TMTC2: variants seen among roughly 807,000 people sequenced by gnomAD.
The protein encoded by TMTC2 is transmembrane O-mannosyltransferase targeting cadherins 2, also known as protein O-mannosyl-transferase TMTC2.
A neutral mutation model predicts 82.4 loss-of-function variants in TMTC2; 43 were observed. The observed-to-expected ratio is 0.52, with a 90% CI of 0.41 to 0.67. The LOEUF (loss-of-function observed/expected upper bound fraction) is 0.67, where lower values mean the gene tolerates loss of function less well. TMTC2 is among the 30% of genes least tolerant of loss of function. The probability of loss-of-function intolerance (pLI) is 0.00; values close to 1 mark genes in which losing one functional copy is unlikely to be tolerated. For synonymous variants in TMTC2, 408 were observed against 381.9 expected, an observed-to-expected ratio of 1.07 and a Z score of -0.80; for missense variants, 919 against 1,012.4, an observed-to-expected ratio of 0.91 and a Z score of 1.25.
Position 83,100,706 on chromosome 12 carries a change from T to C in TMTC2, c.2332-31504T>C, listed in dbSNP as rs372913412. ...ATAAAACAGCTTGGGAGAAGTCTTG[T>C]TGTAATGCTTTCTAAAGAATGTATG... On this transcript the variant is annotated intron_variant, in intron 11 of 11. Coordinates refer to ENST00000321196, the MANE Select transcript of TMTC2 (RefSeq NM_152588.3). 6.6e-5 allele frequency among the ~76,000 whole-genome samples: 10 copies of C among 152,306 alleles called. No homozygotes were observed. The East Asian group carries it at 1.7e-3, about 26-fold the overall frequency.
At position 82,959,733 on chromosome 12, in the gene TMTC2, C is replaced by A. The variant is rs78681450; in HGVS notation, c.1599-5291C>A. On this transcript the variant is annotated intron_variant, in intron 4 of 11. Transcript: ENST00000321196. ...AAGTGTTAAGAATCCTAGAAGGAAA[C>A]CTAAGAGACACCATTCTGACCATAA... Among the ~76,000 whole-genome samples, 565 of 152,098 alleles carry A rather than the reference C, an allele frequency of 3.7e-3. 7 individuals are homozygous for A. Among genetic ancestry groups the A allele is most frequent in the African/African-American group, 0.013 (550 of 41,518 alleles).
At chr12:82,867,172 A>G (rs1297542172) in intron 2 of TMTC2, among the ~76,000 whole-genome samples, 1 of 152,202 alleles carries the variant, frequency 6.6e-6, no homozygotes, top group Non-Finnish European at 1.5e-5. Context: ...TGGTCTGATT[A>G]TAACTCTTGC....
At chr12:82,693,869 G>A (rs1288922065) in intron 1 of TMTC2, among the ~76,000 whole-genome samples, 1 of 148,012 alleles carries the variant, frequency 6.8e-6, no homozygotes, top group Non-Finnish European at 1.5e-5. Flanking sequence ...TCAGGAGGCT[G>A]AAGCAGGAAA....
At chr12:82,874,652 C>T (rs1170939671) in intron 2 of TMTC2, among the ~76,000 whole-genome samples, 2 of 152,036 alleles carry the variant, frequency 1.3e-5, no homozygotes, top group Non-Finnish European at 2.9e-5. Context: ...TCCCTTTTAT[C>T]ATGAAGTTAT....
At chr12:82,731,207 A>C (rs773453101) in intron 1 of TMTC2, among the ~76,000 whole-genome samples, 1 of 152,222 alleles carries the variant, frequency 6.6e-6, no homozygotes, top group South Asian at 2.1e-4. Context: ...AGTTGTCACA[A>C]CTTAAATTTG....
chr12:82,837,883 T>C (rs1424177657), intron 1 of TMTC2, among the ~76,000 whole-genome samples: 1 of 152,160 alleles, frequency 6.6e-6, no homozygotes, highest in Non-Finnish European at 1.5e-5. Context: ...AGGGATCTCA[T>C]GTTTGGAGAT....
At position 83,132,678 on chromosome 12, in the gene TMTC2, G is replaced by C. The variant is rs1238200485; in HGVS notation, c.*289G>C. 3.1e-6 allele frequency: 1 copy of C among 327,460 alleles called. No individual in the cohort carries two copies. The highest frequency in any genetic ancestry group is 2.2e-5 in the African/African-American group (1 of 45,812). 20.3% of individuals were successfully genotyped at this position (327,460 alleles called of 1,614,324 possible). A position where few individuals can be genotyped will look rare whatever the true frequency, so the allele number is the denominator to read the frequency against. On this transcript the variant is annotated 3_prime_UTR_variant, in exon 12 of 12. Transcript: ENST00000321196. Reference sequence around the variant, plus strand: ...GGCATTCTTAAAAAGGGAGGGGTGGGTGTGTAAGTCACAGATTTTGTTCAT... The same window carrying C: ...GGCATTCTTAAAAAGGGAGGGGTGGCTGTGTAAGTCACAGATTTTGTTCAT...
intron 4 of TMTC2, among the ~76,000 whole-genome samples, chr12:82,961,404 A>G (rs1565829199): frequency 6.6e-6 from 1 of 151,988 alleles, no homozygotes; most frequent in Non-Finnish European, 1.5e-5. Context: ...TCAGTGTATC[A>G]ACACAAATTA....
intron 1 of TMTC2, among the ~76,000 whole-genome samples, chr12:82,818,526 G>A (rs572710155): frequency 9.9e-5 from 15 of 152,102 alleles, no homozygotes; most frequent in Non-Finnish European, 1.8e-4. Context: ...CAGGTCATTG[G>A]TAACAGTGAA....
chr12:83,008,401 A>G (rs1880301135), intron 8 of TMTC2, among the ~76,000 whole-genome samples: 1 of 152,026 alleles, frequency 6.6e-6, no homozygotes, highest in African/African-American at 2.4e-5. Flanking sequence ...GTCCATTTAG[A>G]AGTTTCTGTT....
chr12:82,959,376 A>G (rs1026626054), intron 4 of TMTC2, among the ~76,000 whole-genome samples: 1 of 152,288 alleles, frequency 6.6e-6, no homozygotes, highest in South Asian at 2.1e-4. Context: ...AGTAATTCTA[A>G]GCAAAAAGAA....
intron 11 of TMTC2, among the ~76,000 whole-genome samples, chr12:83,124,131 T>C (rs966392699): frequency 1.1e-4 from 17 of 152,358 alleles, no homozygotes; most frequent in Non-Finnish European, 2.5e-4. Context: ...CCTAATAGGT[T>C]ATAGTAAATG....
intron 1 of TMTC2, among the ~76,000 whole-genome samples, chr12:82,761,877 T>TCAGA (rs1876657042): frequency 2.1e-5 from 1 of 48,420 alleles, no homozygotes; most frequent in Non-Finnish European, 4.8e-5. Flanking sequence ...TTTCTCTCTT[T>TCAGA]CTTTCTTTCT....
intron 8 of TMTC2, among the ~76,000 whole-genome samples, chr12:83,021,625 T>C (rs1002038751): frequency 6.6e-6 from 1 of 151,958 alleles, no homozygotes; most frequent in Non-Finnish European, 1.5e-5. Context: ...TGTAGAGTCA[T>C]CTTTGACTCT....
intron 4 of TMTC2, among the ~76,000 whole-genome samples, chr12:82,963,637 A>G (rs868851651): frequency 1.5e-4 from 23 of 150,436 alleles, no homozygotes; most frequent in Non-Finnish European, 2.8e-4. Context: ...CATCCTCTTT[A>G]TCAATTTTAC....
intron 3 of TMTC2, among the ~76,000 whole-genome samples, chr12:82,921,818 C>T (rs1243857290): frequency 6.6e-6 from 1 of 151,966 alleles, no homozygotes; most frequent in Admixed American, 6.6e-5. Context: ...GACTTTTAGG[C>T]TGGGTGCAGT....
At chr12:82,971,064 G>A (rs1279393469) in intron 7 of TMTC2, among the ~76,000 whole-genome samples, 5 of 152,016 alleles carry the variant, frequency 3.3e-5, no homozygotes, top group East Asian at 1.9e-4. Context: ...AGTTACAGAT[G>A]TATTTTAGAA....
At chr12:83,118,508 C>T (rs145001191) in intron 11 of TMTC2, among the ~76,000 whole-genome samples, 54 of 152,200 alleles carry the variant, frequency 3.5e-4, no homozygotes, top group African/African-American at 1.2e-3. Flanking sequence ...TCCCTGCATC[C>T]GTGAAATGAA....
chr12:83,014,369 T>C (rs1457907952), intron 8 of TMTC2, among the ~76,000 whole-genome samples: 2 of 151,988 alleles, frequency 1.3e-5, no homozygotes, highest in African/African-American at 4.8e-5. Context: ...GAGATGGAGT[T>C]TTGCTCTTGT....
Sources: gnomAD v4.1 joint callset for allele counts (sites outside exome capture counted in the v4.1 genomes callset) on GRCh38, gnomAD v4.1.1 for gene constraint, MANE v1.5 for transcripts, NCBI Gene and HGNC (gene_info 2026-07-23, HGNC 2026-07-21) for gene names.